The following TPTE2 variants were observed in gnomAD, a reference collection of about 807,000 sequenced individuals.
TPTE2 encodes phosphatidylinositol 3,4,5-trisphosphate 3-phosphatase TPTE2.
A neutral mutation model predicts 78.6 loss-of-function variants in TPTE2; 53 were observed. The observed-to-expected ratio is 0.67, with a 90% confidence interval of 0.54 to 0.85. The LOEUF (loss-of-function observed/expected upper bound fraction) is 0.85. TPTE2 is among the 40% of genes least tolerant of loss of function. The probability of loss-of-function intolerance (pLI) is 0.00; values close to 1 mark genes in which losing one functional copy is unlikely to be tolerated. For missense variants in TPTE2, 461 were observed against 623.0 expected, an observed-to-expected ratio of 0.74 and a Z score of 2.77; for synonymous variants, 175 against 206.2, an observed-to-expected ratio of 0.85 and a Z score of 1.30.
chr13:19,524,677 C>A lies in TPTE2; in HGVS notation c.-44+11919G>T, dbSNP rs757013609. 3.9e-5 allele frequency among the ~76,000 whole-genome samples: 6 copies of A among 152,260 alleles called. No individual in the cohort carries two copies. The South Asian group carries it at 1.0e-3, about 26-fold the overall frequency. Reference sequence around the variant, plus strand: ...TAAAGTGAAAAAATAGAGATCAACACTATGGGGAGCATTAAAAGTGGCCCT... The same window carrying A: ...TAAAGTGAAAAAATAGAGATCAACAATATGGGGAGCATTAAAAGTGGCCCT... On this transcript the variant is annotated intron_variant, in intron 1 of 17. Coordinates refer to the TPTE2 transcript ENST00000390680.
At chr13:19,539,226 A>G (rs1416023422), upstream of TPTE2, among the ~76,000 whole-genome samples, 1 of 152,186 alleles carries the variant, frequency 6.6e-6, no homozygotes, top group Non-Finnish European at 1.5e-5. Context: ...GGGGACATTC[A>G]AACTTGATAT....
chr13:19,427,059 C>T (rs369110079), intron 17 of TPTE2, among the ~76,000 whole-genome samples: 17 of 124,358 alleles, frequency 1.4e-4, no homozygotes, highest in South Asian at 7.7e-4. Flanking sequence ...AACCACTTTT[C>T]TTTTTTTTTC....
chr13:19,551,208 T>TA, the TPTE2 span, among the ~76,000 whole-genome samples: 1 of 152,220 alleles, frequency 6.6e-6, no homozygotes, highest in Non-Finnish European at 1.5e-5. Context: ...CTTACCCTGA[T>TA]ACCTTCCAGA....
chr13:19,461,430 G>A (rs900169750), intron 10 of TPTE2, among the ~76,000 whole-genome samples: 2 of 151,708 alleles, frequency 1.3e-5, no homozygotes, highest in Admixed American at 1.3e-4. Context: ...TTTGTGTTGG[G>A]AACACTCAAC....
chr13:19,491,119 C>T (rs1880965038), intron 3 of TPTE2, among the ~76,000 whole-genome samples: 1 of 152,080 alleles, frequency 6.6e-6, no homozygotes, highest in Non-Finnish European at 1.5e-5. Context: ...AATGAACTTC[C>T]CAAATCTGAA....
chr13:19,517,291 A>G (rs1269741958), intron 1 of TPTE2, among the ~76,000 whole-genome samples: 1 of 152,206 alleles, frequency 6.6e-6, no homozygotes, highest in Admixed American at 6.5e-5. Context: ...TTTCAAGATT[A>G]TGGCTTTTCC....
intron 17 of TPTE2, among the ~76,000 whole-genome samples, chr13:19,430,105 C>T (rs1876444061): frequency 1.3e-5 from 2 of 152,048 alleles, no homozygotes; most frequent in African/African-American, 4.8e-5. Context: ...AGAATCAGTG[C>T]TATATAATAA....
chr13:19,452,709 G>A (rs1878255379), intron 10 of TPTE2, among the ~76,000 whole-genome samples: 1 of 152,072 alleles, frequency 6.6e-6, no homozygotes, highest in Admixed American at 6.5e-5. Flanking sequence ...TTGATTTATT[G>A]TGGATACAAG....
chr13:19,486,428 A>G lies in TPTE2; in HGVS notation c.120-3881T>C, dbSNP rs547331395. ...TACACTGGGTCAGAAAACTTGGAGT[A>G]TGGCCTTATGCGGCTGGCCATGGTG... On this transcript the variant is annotated intron_variant, in intron 3 of 19. Transcript: ENST00000400230. This position sits in a 1 kb window ranked among gnomAD's most constrained non-coding sequence, Gnocchi z 4.3. Among the ~76,000 whole-genome samples, 48 of 152,262 alleles carry G rather than the reference A, an allele frequency of 3.2e-4. 1 individual carries two copies. The highest frequency in any genetic ancestry group is 9.2e-4 in the Admixed American group (14 of 15,288).
At chr13:19,491,799 T>G (rs1881005066) in intron 3 of TPTE2, among the ~76,000 whole-genome samples, 2 of 152,140 alleles carry the variant, frequency 1.3e-5, no homozygotes, top group Admixed American at 6.5e-5. Flanking sequence ...CACTCCAGCT[T>G]GGGCAACAGC....
intron 10 of TPTE2, among the ~76,000 whole-genome samples, chr13:19,463,046 C>T (rs532165344): frequency 6.6e-6 from 1 of 151,470 alleles, no homozygotes; most frequent in Admixed American, 6.6e-5. Flanking sequence ...TGCAGTGGCA[C>T]AATCTTGGCT....
upstream of TPTE2, among the ~76,000 whole-genome samples, chr13:19,507,036 G>T (rs1869102090): frequency 6.6e-6 from 1 of 152,124 alleles, no homozygotes; most frequent in Non-Finnish European, 1.5e-5. Flanking sequence ...TTTAGAAACA[G>T]TGTCCAAGAA....
intron 13 of TPTE2, among the ~76,000 whole-genome samples, chr13:19,440,595 C>T (rs1184156660): frequency 6.6e-6 from 1 of 151,912 alleles, no homozygotes; most frequent in Admixed American, 6.6e-5. Context: ...CATAGTGAAA[C>T]TCCGTCTTTA....
At position 19,475,810 on chromosome 13, in the gene TPTE2, T is replaced by C. The variant is rs183565952; in HGVS notation, c.180-187A>G. The stretch of plus-strand genomic sequence containing the variant: ...CCATGAGTATTTTACTTGTTTACTA[T>C]GCTATCCAGAAGACAGTAAACTTTG... On this transcript the variant is annotated intron_variant, in intron 4 of 19. Transcript: ENST00000400230. Among the ~76,000 whole-genome samples the C allele has an allele frequency of 4.8e-3, 725 of 152,340 alleles. 3 individuals carry two copies. The highest frequency in any genetic ancestry group is 7.8e-3 in the Non-Finnish European group (528 of 68,038).
intron 1 of TPTE2, among the ~76,000 whole-genome samples, chr13:19,536,398 C>A (rs756956709): frequency 6.6e-6 from 1 of 152,078 alleles, no homozygotes; most frequent in East Asian, 1.9e-4. Flanking sequence ...CACCTGTGAA[C>A]CTGCCATCCA....
intron 1 of TPTE2, among the ~76,000 whole-genome samples, chr13:19,495,509 C>CA (rs1881249393): frequency 6.6e-6 from 1 of 152,066 alleles, no homozygotes; most frequent in Non-Finnish European, 1.5e-5. Context: ...TACCTCCATC[C>CA]AAAAAACAAA....
intron 3 of TPTE2, among the ~76,000 whole-genome samples, chr13:19,489,417 T>C (rs185141877): frequency 1.7e-3 from 264 of 151,672 alleles, no homozygotes; most frequent in African/African-American, 6.1e-3. Context: ...CACATATATG[T>C]ATATGTAAAC....
chr13:19,551,806 T>A, the TPTE2 span, among the ~76,000 whole-genome samples: 1 of 152,246 alleles, frequency 6.6e-6, no homozygotes, highest in East Asian at 1.9e-4. Context: ...CACAACATTA[T>A]AAAGGTTAAA....
intron 10 of TPTE2, among the ~76,000 whole-genome samples, chr13:19,464,093 G>A (rs558297464): frequency 1.1e-4 from 16 of 152,240 alleles, no homozygotes; most frequent in African/African-American, 3.6e-4. Flanking sequence ...GTTGAGGGTA[G>A]CCAAGCCATT....
Sources: gnomAD v4.1 joint callset for allele counts (sites outside exome capture counted in the v4.1 genomes callset) on GRCh38, gnomAD v4.1.1 for gene constraint, Gnocchi (gnomAD v3.1) non-coding constraint, MANE v1.5 for transcripts, NCBI Gene and HGNC (gene_info 2026-07-23, HGNC 2026-07-21) for gene names.